The following TMEM108 variants were observed in gnomAD, a reference collection of about 807,000 sequenced individuals.
TMEM108 encodes cancer/testis antigen 124.
In TMEM108, 12 loss-of-function variants were observed where a neutral mutation model predicts 35.1. The ratio of observed to expected loss-of-function variants is 0.34; its 90% CI spans 0.22 to 0.55. The LOEUF (loss-of-function observed/expected upper bound fraction) is 0.55. Among genes scored for constraint, TMEM108 ranks in the 20% least tolerant of loss-of-function variants. TMEM108 has a pLI of 0.89. For synonymous variants in TMEM108, 287 were observed against 308.6 expected, an observed-to-expected ratio of 0.93 and a Z score of 0.73; for missense variants, 680 against 753.3, an observed-to-expected ratio of 0.90 and a Z score of 1.14.
At chr3:133,256,752 T>G (rs1430044580) in intron 3 of TMEM108, among the ~76,000 whole-genome samples, 4 of 152,052 alleles carry the variant, frequency 2.6e-5, no homozygotes, top group Non-Finnish European at 5.9e-5. Context: ...AAGGGGAAAA[T>G]AGATATAGAG....
intron 3 of TMEM108, among the ~76,000 whole-genome samples, chr3:133,324,065 T>A (rs1025681070): frequency 5.9e-5 from 9 of 152,094 alleles, no homozygotes; most frequent in Non-Finnish European, 1.2e-4. Flanking sequence ...CCTGAAACCA[T>A]AAAAATTATA....
At chr3:133,321,058 A>G (rs1158258743) in intron 3 of TMEM108, among the ~76,000 whole-genome samples, 3 of 152,186 alleles carry the variant, frequency 2.0e-5, no homozygotes, top group Non-Finnish European at 2.9e-5. Flanking sequence ...ATACACCAAA[A>G]TAGAATCTTC....
intron 2 of TMEM108, among the ~76,000 whole-genome samples, chr3:133,202,622 T>C (rs889076930): frequency 6.6e-6 from 1 of 152,208 alleles, no homozygotes; most frequent in Non-Finnish European, 1.5e-5. Flanking sequence ...GTATTATTTC[T>C]GAGGCCTCTG....
intron 2 of TMEM108, among the ~76,000 whole-genome samples, chr3:133,200,854 G>T (rs1173077180): frequency 6.6e-6 from 1 of 152,050 alleles, no homozygotes. Flanking sequence ...TTTAAAATTT[G>T]GTTCCCTAGT....
In TMEM108 at chr3:133,189,658, C is replaced by A. The variant is rs189313101; in HGVS notation, c.-46-39608C>A. On this transcript the variant is annotated intron_variant, in intron 2 of 5. Transcript: ENST00000321871. ...GAAGTTTACTTGACAATTTGAGACACAGTGTTCTAAAGAGATTGGTTTATG... is the reference window on the plus strand; with the variant it reads ...GAAGTTTACTTGACAATTTGAGACAAAGTGTTCTAAAGAGATTGGTTTATG... 3.9e-5 allele frequency among the ~76,000 whole-genome samples: 6 copies of A among 152,280 alleles called. No individual in the cohort carries two copies. The East Asian group carries it at 1.2e-3, about 29-fold the overall frequency.
intron 3 of TMEM108, among the ~76,000 whole-genome samples, chr3:133,361,851 C>G (rs2072359653): frequency 6.6e-6 from 1 of 152,150 alleles, no homozygotes; most frequent in African/African-American, 2.4e-5. Context: ...GACACCACTT[C>G]TCAGTAAATA....
chr3:133,168,973 C>A (rs1029831861), intron 2 of TMEM108, among the ~76,000 whole-genome samples: 2 of 152,120 alleles, frequency 1.3e-5, no homozygotes, highest in South Asian at 4.2e-4. Context: ...GACCACGAAC[C>A]CACCAGAAGG....
At chr3:133,388,552 C>A (rs1016812405) in intron 4 of TMEM108, 1 of 985,276 alleles carries the variant, frequency 1.0e-6, no homozygotes, top group African/African-American at 1.7e-5. Flanking sequence ...TCTCTCAAAT[C>A]CCCGTTAGCC....
chr3:133,091,867 AC>A lies in TMEM108; in HGVS notation c.-47+45848del, dbSNP rs1016740776. 5.4e-4 allele frequency among the ~76,000 whole-genome samples: 83 copies of A among 152,304 alleles called. 1 individual carries two copies. The highest frequency in any genetic ancestry group is 2.3e-3 in the Admixed American group (35 of 15,300). On this transcript the variant is annotated intron_variant, in intron 2 of 5. Coordinates refer to ENST00000321871, the MANE Select transcript of TMEM108 (RefSeq NM_023943.4). ...TTGAGAGACTTCTTATAAAAAAAAAACAAAACCCAAACCATCATGGTAGCAT... is the reference window on the plus strand; with the variant it reads ...TTGAGAGACTTCTTATAAAAAAAAAAAAAACCCAAACCATCATGGTAGCAT...
Position 133,049,500 on chromosome 3 carries a change from A to G in TMEM108, c.-47+3480A>G, listed in dbSNP as rs114343621. ...TTTAGAATGATAGTATGCTCTTGTT[A>G]TAACAAGACCTCAACTCATTTAAAA... On this transcript the variant is annotated intron_variant, in intron 2 of 5. Transcript: ENST00000321871. Among the ~76,000 whole-genome samples the G allele has an allele frequency of 3.9e-3, 594 of 152,302 alleles. 6 individuals are homozygous for G. The highest frequency in any genetic ancestry group is 0.013 in the African/African-American group (560 of 41,560).
intron 1 of TMEM108, among the ~76,000 whole-genome samples, chr3:133,039,660 G>A (rs561289800): frequency 6.6e-6 from 1 of 152,230 alleles, no homozygotes; most frequent in African/African-American, 2.4e-5. Flanking sequence ...GATACACCTG[G>A]TAATCTACTC....
chr3:133,391,696 A>G (rs1205943424), intron 5 of TMEM108, among the ~76,000 whole-genome samples: 1 of 152,072 alleles, frequency 6.6e-6, no homozygotes, highest in Non-Finnish European at 1.5e-5. Context: ...CTCCTACAAC[A>G]TCTTCAGGCT....
intron 1 of TMEM108, among the ~76,000 whole-genome samples, chr3:133,040,202 G>GTTTTTTTTTTTTTTTTT (rs200928853): frequency 1.7e-5 from 2 of 119,692 alleles, no homozygotes; most frequent in Non-Finnish European, 1.8e-5. Flanking sequence ...TTGTTTGTTT[G>GTTTTTTTTTTTTTTTTT]TTTGTTTTTT....
intron 3 of TMEM108, among the ~76,000 whole-genome samples, chr3:133,348,918 A>G (rs371927712): frequency 1.6e-4 from 24 of 152,296 alleles, no homozygotes; most frequent in South Asian, 6.2e-4. Flanking sequence ...GTCAAAAACA[A>G]AACAAAACTC....
chr3:133,203,635 G>A (rs531560858), intron 2 of TMEM108, among the ~76,000 whole-genome samples: 12 of 152,232 alleles, frequency 7.9e-5, no homozygotes, highest in South Asian at 2.1e-4. Context: ...TTGCATCCCC[G>A]GGATGAAGCC....
chr3:133,057,527 G>C (rs1943485719), intron 2 of TMEM108, among the ~76,000 whole-genome samples: 2 of 145,152 alleles, frequency 1.4e-5, no homozygotes, highest in Non-Finnish European at 3.0e-5. Context: ...TTTTGCCCAT[G>C]AGTTTATTGG....
At chr3:133,045,182 C>G (rs1943321115) in intron 1 of TMEM108, among the ~76,000 whole-genome samples, 1 of 152,084 alleles carries the variant, frequency 6.6e-6, no homozygotes, top group South Asian at 2.1e-4. Flanking sequence ...GTTAGCCAGG[C>G]TGGTCTTGAT....
chr3:133,179,891 A>G (rs903236556), intron 2 of TMEM108, among the ~76,000 whole-genome samples: 5 of 152,224 alleles, frequency 3.3e-5, no homozygotes, highest in African/African-American at 7.2e-5. Flanking sequence ...ATCAAAAAAA[A>G]AAATGCAACC....
intron 3 of TMEM108, among the ~76,000 whole-genome samples, chr3:133,254,281 G>A (rs1946513794): frequency 6.6e-6 from 1 of 152,224 alleles, no homozygotes; most frequent in Non-Finnish European, 1.5e-5. Context: ...TTGGTCAGTA[G>A]TGGCTCTTAG....
Sources: gnomAD v4.1 joint callset for allele counts (sites outside exome capture counted in the v4.1 genomes callset) on GRCh38, gnomAD v4.1.1 for gene constraint, MANE v1.5 for transcripts, NCBI Gene and HGNC (gene_info 2026-07-23, HGNC 2026-07-21) for gene names.